The following PLCB4 variants were observed in gnomAD, a reference collection of about 807,000 sequenced individuals.
The protein encoded by PLCB4 is phospholipase C beta 4, also known as 1-phosphatidylinositol 4,5-bisphosphate phosphodiesterase beta-4.
Under a neutral mutation model 178.8 loss-of-function variants are expected in PLCB4, and 77 were observed. That is an observed-to-expected ratio of 0.43 (90% CI 0.36 to 0.52). The LOEUF is 0.52. Among genes scored for constraint, PLCB4 ranks in the 20% least tolerant of loss-of-function variants. PLCB4 has a pLI of 0.00. For missense variants in PLCB4, 1,024 were observed against 1,453.4 expected (o/e 0.70, Z 4.80); for synonymous variants, 496 against 490.8 (o/e 1.01, Z -0.14).
chr20:9,145,732 A>G (rs1346161416), intron 2 of PLCB4, among the ~76,000 whole-genome samples: 1 of 152,070 alleles, frequency 6.6e-6, no homozygotes, highest in African/African-American at 2.4e-5. Flanking sequence ...GAGCCACCTA[A>G]ATTGGAATAG....
At chr20:9,073,803 G>A (rs182309154) in intron 1 of PLCB4, among the ~76,000 whole-genome samples, 230 of 152,172 alleles carry the variant, frequency 1.5e-3, no homozygotes, top group African/African-American at 5.3e-3. Context: ...CAGGAGGATC[G>A]CTCAAGCCCA....
chr20:9,350,903 G>A (rs13036625), intron 7 of PLCB4, among the ~76,000 whole-genome samples: 1 of 152,114 alleles, frequency 6.6e-6, no homozygotes, highest in Non-Finnish European at 1.5e-5. Flanking sequence ...GGCAGGGAGT[G>A]GGGGGAACAG....
chr20:9,323,961 T>G (rs917301739), intron 4 of PLCB4, among the ~76,000 whole-genome samples: 3 of 152,178 alleles, frequency 2.0e-5, no homozygotes, highest in Non-Finnish European at 2.9e-5. Flanking sequence ...GTTTGGAGGC[T>G]CTCCCTGTCA....
At chr20:9,096,036 T>C (rs1600369085) in intron 1 of PLCB4, among the ~76,000 whole-genome samples, 1 of 152,222 alleles carries the variant, frequency 6.6e-6, no homozygotes, top group African/African-American at 2.4e-5. Flanking sequence ...CAATTTTCAT[T>C]TACTTTTATC....
chr20:9,102,060 G>A (rs533797094), intron 2 of PLCB4, among the ~76,000 whole-genome samples: 43 of 152,132 alleles, frequency 2.8e-4, no homozygotes, highest in African/African-American at 9.6e-4. Flanking sequence ...TGCCAGGCTG[G>A]TCTCGAACTC....
chr20:9,393,548 A>C (rs1348044099), intron 17 of PLCB4, 40 bp from the exon 18 acceptor site: 3 of 1,357,180 alleles, frequency 2.2e-6, no homozygotes, highest in Non-Finnish European at 3.2e-6. Flanking sequence ...ATGGAGAAGC[A>C]CAGCCCTTCC....
intron 28 of PLCB4, among the ~76,000 whole-genome samples, chr20:9,428,862 C>A (rs780008293): frequency 3.3e-5 from 5 of 152,158 alleles, no homozygotes; most frequent in Non-Finnish European, 7.3e-5. Context: ...CAACTGAGTT[C>A]TCCTGAAAAG....
chr20:9,082,502 CT>C (rs1181464406), intron 1 of PLCB4, among the ~76,000 whole-genome samples: 1 of 152,100 alleles, frequency 6.6e-6, no homozygotes, highest in African/African-American at 2.4e-5. Context: ...CATTTGGCTT[CT>C]TTTTGATTTC....
chr20:9,088,698 T>C (rs114555888), intron 1 of PLCB4, among the ~76,000 whole-genome samples: 18 of 152,254 alleles, frequency 1.2e-4, no homozygotes, highest in Non-Finnish European at 2.6e-4. Context: ...AATGGGTCAC[T>C]TAAGTGGAAA....
chr20:9,459,099 T>C (rs1286465803), intron 34 of PLCB4, among the ~76,000 whole-genome samples: 1 of 152,216 alleles, frequency 6.6e-6, no homozygotes, highest in Non-Finnish European at 1.5e-5. Context: ...ATCCCGGCAC[T>C]CTGGGAGGCC....
intron 34 of PLCB4, 125 bp downstream of exon 34, chr20:9,457,614 T>G: frequency 1.5e-6 from 1 of 648,602 alleles, no homozygotes; most frequent in South Asian, 1.8e-5. Flanking sequence ...CTGCAGCTGA[T>G]CTGGGATGTC....
chr20:9,263,843 G>C lies in PLCB4; in HGVS notation c.-15-43957G>C, dbSNP rs143390600. ...TGTATTGGTACCAAAGGGGTGATCAGTGGGATGAAAAAAGGAAAGAGAAAA... is the reference window on the plus strand; with the variant it reads ...TGTATTGGTACCAAAGGGGTGATCACTGGGATGAAAAAAGGAAAGAGAAAA... On this transcript the variant is annotated intron_variant, in intron 3 of 39. Coordinates refer to ENST00000378473, the MANE Select transcript of PLCB4 (RefSeq NM_001377142.1). Among the ~76,000 whole-genome samples, 337 of 152,266 alleles carry C rather than the reference G, an allele frequency of 2.2e-3. 2 individuals are homozygous for C. Among genetic ancestry groups the C allele is most frequent in the South Asian group, 8.7e-3 (42 of 4,826 alleles).
At chr20:9,258,718 A>AT (rs2094264705) in intron 3 of PLCB4, among the ~76,000 whole-genome samples, 1 of 149,772 alleles carries the variant, frequency 6.7e-6, no homozygotes, top group South Asian at 2.1e-4. Context: ...TCCTCTCAAA[A>AT]AAAAAAAAAA....
intron 28 of PLCB4, among the ~76,000 whole-genome samples, chr20:9,427,058 C>G (rs979905733): frequency 1.3e-5 from 2 of 152,226 alleles, no homozygotes; most frequent in South Asian, 4.1e-4. Flanking sequence ...AACACTGTCT[C>G]TACTAAAAAT....
Position 9,224,281 on chromosome 20 carries a change from C to T in PLCB4, c.-16+6829C>T, listed in dbSNP as rs1272167361. Among the ~76,000 whole-genome samples, 8 of 152,288 alleles carry T rather than the reference C, an allele frequency of 5.3e-5. No individual in the cohort carries two copies. The South Asian group carries it at 8.3e-4, about 16-fold the overall frequency. ...GTGGTATGAGCACAGCTTTCATTCCCGGGCACCCTTCTATACAGTGGCTCT... is the reference window on the plus strand; with the variant it reads ...GTGGTATGAGCACAGCTTTCATTCCTGGGCACCCTTCTATACAGTGGCTCT... On this transcript the variant is annotated intron_variant, in intron 3 of 39. Transcript: ENST00000378473.
intron 9 of PLCB4, among the ~76,000 whole-genome samples, chr20:9,366,346 G>C (rs530433488): frequency 6.9e-6 from 1 of 144,132 alleles, no homozygotes; most frequent in Non-Finnish European, 1.5e-5. Flanking sequence ...GCAGTGAGTC[G>C]AGATGGCACC....
At chr20:9,201,675 C>T (rs2093548237) in intron 2 of PLCB4, among the ~76,000 whole-genome samples, 1 of 151,996 alleles carries the variant, frequency 6.6e-6, no homozygotes, top group African/African-American at 2.4e-5. Flanking sequence ...TTAAAAATCA[C>T]AATGAGATAT....
In PLCB4 at chr20:9,075,659, AG is replaced by A. The variant is rs1407515457; in HGVS notation, c.-135+6457del. 5.3e-5 allele frequency among the ~76,000 whole-genome samples: 8 copies of A among 152,332 alleles called. No homozygotes were observed. In the East Asian group the frequency reaches 1.5e-3, roughly 29 times the overall value. On this transcript the variant is annotated intron_variant, in intron 1 of 39. Transcript: ENST00000378473. ...GGAGTGGTGAGGCTTGCGCCCATCC[AG>A]GGGCCCAATTGTGCCCCTTCCCATG...
At chr20:9,271,510 G>C (rs1020647041) in intron 3 of PLCB4, among the ~76,000 whole-genome samples, 1 of 152,060 alleles carries the variant, frequency 6.6e-6, no homozygotes, top group East Asian at 1.9e-4. Flanking sequence ...TTGCATTTAA[G>C]CTTTCTGTCA....
Sources: allele counts gnomAD v4.1 joint callset (sites outside exome capture counted in the v4.1 genomes callset), GRCh38; gene constraint gnomAD v4.1.1; transcripts MANE v1.5; gene names NCBI Gene and HGNC (gene_info 2026-07-23, HGNC 2026-07-21).